CFAP47: variants seen among roughly 807,000 people sequenced by gnomAD.
The protein encoded by CFAP47 is cilia- and flagella-associated protein 47.
CFAP47 carries 29 observed loss-of-function variants against 148.1 expected under a neutral mutation model. That is an observed-to-expected ratio of 0.20 (90% CI 0.15 to 0.27). The LOEUF (loss-of-function observed/expected upper bound fraction) is 0.27. CFAP47 is among the 10% of genes least tolerant of loss of function. The pLI is 1.00. For missense variants in CFAP47, 1,872 were observed against 1,697.5 expected, an observed-to-expected ratio of 1.10 and a Z score of -1.81; for synonymous variants, 664 against 577.3, an observed-to-expected ratio of 1.15 and a Z score of -2.15.
At chrX:36,091,270 C>T (rs1273273015) in intron 30 of CFAP47, among the ~76,000 whole-genome samples, 2 of 111,620 alleles carry the variant, frequency 1.8e-5, no homozygotes, top group African/African-American at 6.5e-5. Flanking sequence ...CCTCAAGAAG[C>T]TCCCATTTTA....
At chrX:36,283,389 C>G (rs1382849055) in intron 50 of CFAP47, among the ~76,000 whole-genome samples, 1 of 111,748 alleles carries the variant, frequency 8.9e-6, no homozygotes, top group African/African-American at 3.2e-5. Flanking sequence ...TCAGCTACAT[C>G]ACAACACTGC....
At chrX:36,139,465 G>A (rs976125770) in intron 35 of CFAP47, among the ~76,000 whole-genome samples, 4 of 111,358 alleles carry the variant, frequency 3.6e-5, no homozygotes, top group Non-Finnish European at 7.5e-5. Context: ...GGGCATTATG[G>A]GGGATAAAAG....
At chrX:36,261,379 G>A (rs1263035770) in intron 49 of CFAP47, among the ~76,000 whole-genome samples, 1 of 97,682 alleles carries the variant, frequency 1.0e-5, no homozygotes, top group Non-Finnish European at 2.0e-5. Context: ...CGGAGAGGGG[G>A]ACTTGGCAGG....
chrX:36,009,765 T>C (rs752937806), intron 21 of CFAP47, among the ~76,000 whole-genome samples: 1 of 112,099 alleles, frequency 8.9e-6, no homozygotes, highest in Non-Finnish European at 1.9e-5. Context: ...GCAATATGAA[T>C]GACTAGAGCT....
At chrX:36,193,210 G>A (rs1439980279) in intron 42 of CFAP47, among the ~76,000 whole-genome samples, 1 of 111,506 alleles carries the variant, frequency 9.0e-6, no homozygotes, top group Admixed American at 9.6e-5. Flanking sequence ...CCAAGAATGT[G>A]CAACTTTTTT....
At chrX:36,337,215 A>C (rs1205721528) in intron 57 of CFAP47, among the ~76,000 whole-genome samples, 12 of 112,444 alleles carry the variant, frequency 1.1e-4, no homozygotes, top group Admixed American at 9.4e-5. Context: ...TATTTATACC[A>C]CCAGAATATT....
chrX:36,319,228 T>A lies in CFAP47; in HGVS notation c.8364T>A (p.Asn2788Lys). ...IILTSVEHPR[N>K]LVMDHCWDSF... ...AATTAGGTGTGGAACATCCCAGGAA[T>A]CTTGTCATGGATCATTGCTGGGATA... The change falls in exon 57 of 64, where the codon AAT (asparagine) becomes AAA (lysine). Residue 2788 changes from asparagine to lysine, a missense_variant. Coordinates refer to ENST00000378653, the MANE Select transcript of CFAP47 (RefSeq NM_001304548.2). 1 of 1,115,322 alleles carries A rather than the reference T, an allele frequency of 9.0e-7. No individual in the cohort carries two copies. Among genetic ancestry groups the A allele is most frequent in the Non-Finnish European group, 1.2e-6 (1 of 836,650 alleles). The allele number at this position is 1,115,322 out of a possible 1,213,427, so 91.9% of individuals were successfully genotyped here.
At chrX:36,086,504 G>A (rs1004627816) in intron 30 of CFAP47, among the ~76,000 whole-genome samples, 9 of 111,677 alleles carry the variant, frequency 8.1e-5, no homozygotes, top group South Asian at 3.7e-4. Flanking sequence ...GTTCAGAGAT[G>A]TTCATCTATC....
chrX:36,152,169 A>G (rs776740151), intron 37 of CFAP47, among the ~76,000 whole-genome samples: 50 of 110,894 alleles, frequency 4.5e-4, no homozygotes, highest in African/African-American at 1.6e-3. Context: ...ATATATATTC[A>G]AGGTATAGAG....
intron 51 of CFAP47, among the ~76,000 whole-genome samples, chrX:36,289,120 C>T (rs1307647730): frequency 9.4e-6 from 1 of 106,266 alleles, no homozygotes; most frequent in African/African-American, 3.4e-5. Context: ...CCTGCCTCGG[C>T]CTCCTGAGTA....
chrX:36,010,526 C>T (rs1014169500), intron 21 of CFAP47, among the ~76,000 whole-genome samples: 2 of 104,992 alleles, frequency 1.9e-5, no homozygotes, highest in Non-Finnish European at 3.9e-5. Context: ...GGCATGATCT[C>T]GGCTCACTGC....
chrX:36,228,772 A>T lies in CFAP47; in HGVS notation c.6962A>T (p.Lys2321Ile). The T allele has an allele frequency of 3.8e-6, 2 of 524,943 alleles. No individual in the cohort carries two copies. The highest frequency in any genetic ancestry group is 7.0e-6 in the Non-Finnish European group (2 of 286,314). The allele number at this position is 524,943 out of a possible 1,213,427, so 43.3% of individuals were successfully genotyped here. The change falls in exon 46 of 64, where the codon AAA becomes ATA. Residue 2321 changes from lysine (K) to isoleucine (I), a missense_variant. By Grantham distance (102) the Lys-to-Ile change is moderately radical. Transcript: ENST00000378653. ...GIVNEEQPEAKFEFETPAFEA... is the reference protein window; with the variant it reads ...GIVNEEQPEAIFEFETPAFEA... The stretch of plus-strand genomic sequence containing the variant: ...GTGAATGAAGAACAACCAGAGGCCA[A>T]ATTTGAGTTTGAAACACCAGCATTT...
chrX:36,192,675 T>C (rs1280244291), intron 42 of CFAP47, among the ~76,000 whole-genome samples: 1 of 111,747 alleles, frequency 8.9e-6, no homozygotes, highest in African/African-American at 3.3e-5. Flanking sequence ...AAACCTTCAG[T>C]GTTTTTTATT....
chrX:36,130,067 A>T (rs1477589431), intron 33 of CFAP47, among the ~76,000 whole-genome samples: 1 of 111,361 alleles, frequency 9.0e-6, no homozygotes, highest in East Asian at 2.8e-4. Context: ...TGTAACTAAA[A>T]TTTTTAAAAA....
chrX:35,969,647 A>T (rs1936459773), intron 10 of CFAP47, among the ~76,000 whole-genome samples: 1 of 111,588 alleles, frequency 9.0e-6, no homozygotes, highest in Non-Finnish European at 1.9e-5. Flanking sequence ...TCTCCTTGTT[A>T]GAGGTATCAG....
chrX:35,924,425 A>C (rs1339803066), intron 1 of CFAP47, among the ~76,000 whole-genome samples: 1 of 101,139 alleles, frequency 9.9e-6, no homozygotes, highest in Non-Finnish European at 1.9e-5. Context: ...ATATGCACAC[A>C]TATGTGTATA....
intron 21 of CFAP47, among the ~76,000 whole-genome samples, chrX:36,002,993 G>C (rs1375322532): frequency 9.0e-6 from 1 of 111,177 alleles, no homozygotes; most frequent in Admixed American, 9.6e-5. Context: ...GTTGAGATAA[G>C]ATAATGTTGA....
In CFAP47 at chrX:35,956,107, G is replaced by A. The variant is rs780374404; in HGVS notation, c.1321G>A (p.Glu441Lys). 1.4e-5 allele frequency: 17 copies of A among 1,209,407 alleles called. No individual in the cohort carries two copies. The highest frequency in any genetic ancestry group is 7.0e-5 in the African/African-American group (4 of 57,103). ...EIQCIIKNQCELLPVTYHFKK... is the reference protein window; with the variant it reads ...EIQCIIKNQCKLLPVTYHFKK... ...TCAGTGCATCATAAAAAATCAATGC[G>A]AATTACTTCCTGTGACGTACCACTT... The change falls in exon 8 of 64, where the codon GAA becomes AAA. Residue 441 changes from glutamate to lysine, a missense_variant. Transcript: ENST00000378653.
At chrX:36,148,901 ATGTGTGTGTG>A (rs60968920) in intron 36 of CFAP47, among the ~76,000 whole-genome samples, 197 bp from the exon 37 acceptor site, 4 of 92,267 alleles carry the variant, frequency 4.3e-5, no homozygotes, top group African/African-American at 1.2e-4. Context: ...AACTGTATGT[ATGTGTGTGTG>A]TGTGTGTGTG....
Sources: gnomAD v4.1 joint callset for allele counts (sites outside exome capture counted in the v4.1 genomes callset) on GRCh38, gnomAD v4.1.1 for gene constraint, MANE v1.5 for transcripts, NCBI Gene and HGNC (gene_info 2026-07-23, HGNC 2026-07-21) for gene names.